Variants in RNF43 observed in about 807,000 individuals in gnomAD.
The protein encoded by RNF43 is E3 ubiquitin-protein ligase RNF43.
Under a neutral mutation model 78.4 loss-of-function variants are expected in RNF43, and 37 were observed. The observed-to-expected ratio is 0.47, with a 90% CI of 0.36 to 0.62. The LOEUF (loss-of-function observed/expected upper bound fraction) is 0.62, where lower values mean the gene tolerates loss of function less well. RNF43 is among the 20% of genes least tolerant of loss of function. The pLI is 0.00. For missense variants in RNF43, 774 were observed against 1,007.9 expected, an observed-to-expected ratio of 0.77 and a Z score of 3.14; for synonymous variants, 347 against 395.0, an observed-to-expected ratio of 0.88 and a Z score of 1.44.
intron 1 of RNF43, 97 bp downstream of exon 1, chr17:58,416,920 A>G (rs1974138455): frequency 6.6e-6 from 1 of 152,228 alleles, no homozygotes; most frequent in Admixed American, 6.5e-5. Flanking sequence ...AGTGCTGAAA[A>G]GCCAAGCAAT....
chr17:58,412,756 T>C (rs1040771410), intron 2 of RNF43, among the ~76,000 whole-genome samples: 3 of 151,656 alleles, frequency 2.0e-5, no homozygotes, highest in African/African-American at 7.3e-5. Flanking sequence ...CTGAATTAAT[T>C]GAGCAAAATG....
chr17:58,368,964 CAA>C (rs1267885888), intron 3 of RNF43, among the ~76,000 whole-genome samples: 1 of 151,992 alleles, frequency 6.6e-6, no homozygotes, highest in East Asian at 1.9e-4. Context: ...GTGCAACAGG[CAA>C]AAGAGAAGGC....
At chr17:58,371,750 C>T (rs1464707410) in intron 2 of RNF43, among the ~76,000 whole-genome samples, 1 of 152,228 alleles carries the variant, frequency 6.6e-6, no homozygotes, top group Non-Finnish European at 1.5e-5. Flanking sequence ...GAGGTGGAGC[C>T]AGCCCAGCCC....
At chr17:58,364,584 C>G (rs1972909384) in intron 3 of RNF43, among the ~76,000 whole-genome samples, 1 of 152,198 alleles carries the variant, frequency 6.6e-6, no homozygotes, top group Admixed American at 6.5e-5. Context: ...TGGGCTTGGC[C>G]TGGGGCCTCC....
At chr17:58,397,545 G>C (rs2189681) in intron 2 of RNF43, among the ~76,000 whole-genome samples, 71,620 of 151,546 alleles carry the variant, frequency 0.47, 17,624 homozygotes, top group African/African-American at 0.62. Context: ...CACCTGTAAT[G>C]CCAACTACTC....
chr17:58,402,999 T>C (rs1334601471), intron 2 of RNF43, among the ~76,000 whole-genome samples: 1 of 151,964 alleles, frequency 6.6e-6, no homozygotes, highest in Admixed American at 6.6e-5. Flanking sequence ...GGAGTTTTTT[T>C]GGGGTGGGGG....
At chr17:58,383,766 T>TGCCA (rs1973374537) in intron 2 of RNF43, among the ~76,000 whole-genome samples, 1 of 152,186 alleles carries the variant, frequency 6.6e-6, no homozygotes, top group Non-Finnish European at 1.5e-5. Flanking sequence ...TACAGGCATG[T>TGCCA]GCCACCATGC....
At chr17:58,404,618 A>G (rs573068291) in intron 2 of RNF43, among the ~76,000 whole-genome samples, 4 of 152,348 alleles carry the variant, frequency 2.6e-5, no homozygotes, top group African/African-American at 9.6e-5. Flanking sequence ...TACTAAAATC[A>G]ACACATTTTA....
chr17:58,395,830 T>C (rs934706347), intron 2 of RNF43, among the ~76,000 whole-genome samples: 1 of 152,184 alleles, frequency 6.6e-6, no homozygotes, highest in Non-Finnish European at 1.5e-5. Context: ...CTATTAAGGA[T>C]AGAGAAAAAT....
chr17:58,389,122 T>C (rs768515008), intron 2 of RNF43, among the ~76,000 whole-genome samples: 5 of 152,046 alleles, frequency 3.3e-5, no homozygotes, highest in Non-Finnish European at 7.4e-5. Context: ...AGAAAACTAG[T>C]GGTAGGAAAA....
intron 2 of RNF43, among the ~76,000 whole-genome samples, chr17:58,400,573 C>A (rs1414098643): frequency 6.6e-6 from 1 of 152,150 alleles, no homozygotes; most frequent in Non-Finnish European, 1.5e-5. Flanking sequence ...CCATTTTACT[C>A]AGGAAGCCAC....
intron 2 of RNF43, among the ~76,000 whole-genome samples, chr17:58,398,014 G>T (rs1047196307): frequency 6.6e-6 from 1 of 152,134 alleles, no homozygotes; most frequent in Non-Finnish European, 1.5e-5. Context: ...AAATCCACTT[G>T]TAACTGCTGC....
intron 2 of RNF43, among the ~76,000 whole-genome samples, chr17:58,385,327 T>G (rs920264586): frequency 6.6e-6 from 1 of 152,196 alleles, no homozygotes; most frequent in Non-Finnish European, 1.5e-5. Flanking sequence ...CCTACTGATA[T>G]CTCAAACTTA....
chr17:58,412,207 A>G (rs1974035991), intron 2 of RNF43, among the ~76,000 whole-genome samples: 1 of 152,110 alleles, frequency 6.6e-6, no homozygotes, highest in African/African-American at 2.4e-5. Context: ...AATATAGGGG[A>G]AACCTAAGAA....
At chr17:58,353,463 A>G (rs1376055317), downstream of RNF43, 1 of 200,794 alleles carries the variant, frequency 5.0e-6, no homozygotes, top group African/African-American at 2.3e-5. Context: ...GAATCCAGTC[A>G]TGCTTTCTCC....
At chr17:58,383,838 G>A (rs540928227) in intron 2 of RNF43, among the ~76,000 whole-genome samples, 1 of 152,114 alleles carries the variant, frequency 6.6e-6, no homozygotes, top group South Asian at 2.1e-4. Flanking sequence ...GGCTGGTCTC[G>A]AACTCCTGAC....
chr17:58,378,186 G>T (rs1362469491), intron 2 of RNF43, among the ~76,000 whole-genome samples: 1 of 152,218 alleles, frequency 6.6e-6, no homozygotes, highest in African/African-American at 2.4e-5. Context: ...TCTCTGAGAT[G>T]ACTGAGTTTC....
chr17:58,397,268 G>T (rs1312902870), intron 2 of RNF43, among the ~76,000 whole-genome samples: 2 of 151,806 alleles, frequency 1.3e-5, no homozygotes, highest in African/African-American at 4.8e-5. Context: ...CAAAAGAAAA[G>T]ACCAAAAACA....
intron 3 of RNF43, among the ~76,000 whole-genome samples, chr17:58,364,117 A>G (rs1972900688): frequency 6.6e-6 from 1 of 152,196 alleles, no homozygotes; most frequent in African/African-American, 2.4e-5. Flanking sequence ...GCAAAGGTCT[A>G]AGAGCCTGGG....
Sources: allele counts gnomAD v4.1 joint callset (sites outside exome capture counted in the v4.1 genomes callset), GRCh38; gene constraint gnomAD v4.1.1; transcripts MANE v1.5; gene names NCBI Gene and HGNC (gene_info 2026-07-23, HGNC 2026-07-21).